Variants in MKNK1 observed in about 807,000 individuals in gnomAD.
MKNK1 encodes MAPK interacting serine/threonine kinase 1.
In MKNK1, 30 loss-of-function variants were observed where a neutral mutation model predicts 49.3. That is an observed-to-expected ratio of 0.61 (90% CI 0.46 to 0.83). MKNK1 has a LOEUF of 0.83. Among genes scored for constraint, MKNK1 ranks in the 40% least tolerant of loss-of-function variants. MKNK1 has a pLI of 0.00. For synonymous variants in MKNK1, 176 were observed against 201.7 expected, an observed-to-expected ratio of 0.87 and a Z score of 1.08; for missense variants, 423 against 524.7, an observed-to-expected ratio of 0.81 and a Z score of 1.89.
rs1424526908 is a variant in MKNK1, at chr1:46,562,700, G to A, written c.753C>T (p.His251=). The A allele has an allele frequency of 6.3e-7, 1 of 1,576,316 alleles. No individual in the cohort carries two copies. Among genetic ancestry groups the A allele is most frequent in the Admixed American group, 1.8e-5 (1 of 54,202 alleles). Residue 251 remains histidine, a synonymous_variant, in exon 10 of 13, where the codon CAC becomes CAT. Coordinates refer to ENST00000371945, the MANE Select transcript of MKNK1 (RefSeq NM_001135553.4). ...MLSGYPPFVG[H]CGADCGWDRG... ...GGTCCCAGCCACAGTCGGCCCCGCA[G>A]TGACCCACGAAGGGTGGGTAGCCAC...
Position 46,576,593 on chromosome 1 carries a change from T to C in MKNK1, c.260A>G (p.Tyr87Cys), listed in dbSNP as rs1413336716. ...SRVFREVETL[Y>C]QCQGNKNILE... The stretch of plus-strand genomic sequence containing the variant: ...TACTCACTTGTTTCCCTGACACTGA[T>C]ACAGCGTCTCCACCTCTCGAAACAC... Residue 87 changes from tyrosine to cysteine, a missense_variant, in exon 5 of 13, where the codon TAT becomes TGT. Transcript: ENST00000371945. The C allele has an allele frequency of 3.1e-6, 5 of 1,613,960 alleles. No individual in the cohort carries two copies. Among genetic ancestry groups the C allele is most frequent in the Middle Eastern group, 1.7e-4 (1 of 6,058 alleles).
In MKNK1 at chr1:46,585,873, C is replaced by T. The variant is rs1400624600; in HGVS notation, c.-2-2544G>A. 3.0e-6 allele frequency: 4 copies of T among 1,321,302 alleles called. No homozygotes were observed. In the African/African-American group the frequency reaches 6.0e-5, roughly 20 times the overall value. The allele number at this position is 1,321,302 out of a possible 1,614,324, so 81.8% of individuals were successfully genotyped here. Reference sequence around the variant, plus strand: ...TTCACACACACACAAAGACAGAGTACCTGGTATATTCTGCATGGATTTCAA... The same window carrying T: ...TTCACACACACACAAAGACAGAGTATCTGGTATATTCTGCATGGATTTCAA... On this transcript the variant is annotated intron_variant, in intron 2 of 12. Transcript: ENST00000371945.
chr1:46,598,238 T>C (rs1237165355), intron 1 of MKNK1, among the ~76,000 whole-genome samples: 1 of 152,220 alleles, frequency 6.6e-6, no homozygotes, highest in Admixed American at 6.5e-5. Flanking sequence ...GAGTCTTGCT[T>C]GGCACTCTTG....
chr1:46,580,750 C>CCTG, intron 3 of MKNK1, 123 bp from the exon 4 acceptor site: 3 of 643,264 alleles, frequency 4.7e-6, no homozygotes, highest in South Asian at 1.9e-5. Context: ...GACTCTAGCA[C>CCTG]TCAGTGACAA....
intron 4 of MKNK1, among the ~76,000 whole-genome samples, chr1:46,576,870 T>C (rs1296836992): frequency 6.6e-6 from 1 of 152,198 alleles, no homozygotes; most frequent in Non-Finnish European, 1.5e-5. Context: ...CATTCCACTC[T>C]GGCCAAGCAC....
At chr1:46,576,404 C>T in intron 5 of MKNK1, 171 bp downstream of exon 5, 1 of 594,202 alleles carries the variant, frequency 1.7e-6, no homozygotes, top group Non-Finnish European at 3.0e-6. Context: ...TTTGCTGTTA[C>T]TGCTGCTTTT....
At chr1:46,568,121 CAAA>C (rs10711362) in intron 8 of MKNK1, 300 of 142,790 alleles carry the variant, frequency 2.1e-3, no homozygotes, top group Middle Eastern at 5.8e-3. Context: ...GACCCCGTCT[CAAA>C]AAAAAAAAAA....
chr1:46,564,953 TC>T, intron 9 of MKNK1, 87 bp downstream of exon 9: 1 of 1,301,592 alleles, frequency 7.7e-7, no homozygotes, highest in Non-Finnish European at 1.1e-6. Flanking sequence ...CACTTGGTTT[TC>T]CATCCTTAAC....
chr1:46,569,851 C>A (rs964409639), intron 7 of MKNK1: 4 of 151,990 alleles, frequency 2.6e-5, no homozygotes, highest in African/African-American at 9.7e-5. Flanking sequence ...ACACACGGAG[C>A]CTTACTCTCC....
intron 1 of MKNK1, among the ~76,000 whole-genome samples, chr1:46,596,502 T>G (rs1674084001): frequency 2.0e-5 from 3 of 152,218 alleles, no homozygotes. Flanking sequence ...CTTTGTGTTA[T>G]TTTGCCACGT....
At position 46,558,678 on chromosome 1, in the gene MKNK1, C is replaced by T; in HGVS notation, c.1136G>A (p.Cys379Tyr). 3 of 1,614,234 alleles carry T rather than the reference C, an allele frequency of 1.9e-6. No individual in the cohort carries two copies. Among genetic ancestry groups the T allele is most frequent in the Middle Eastern group, 1.7e-4 (1 of 6,060 alleles). The change falls in exon 13 of 13, where the codon TGC (cysteine) becomes TAC (tyrosine). Residue 379 changes from cysteine (C) to tyrosine (Y), a missense_variant. Coordinates refer to ENST00000371945, the MANE Select transcript of MKNK1 (RefSeq NM_001135553.4). ...GCAGGGAGGGGAAAGCTTCATGGAG[C>T]AGAGGCCATCAGCTAGTGCCTCTGG... The part of the protein sequence containing the change: ...EEPEALADGL[C>Y]SMKLSPPCKS...
At chr1:46,563,132 C>T (rs1668345067) in intron 9 of MKNK1, 2 of 376,806 alleles carry the variant, frequency 5.3e-6, no homozygotes, top group Non-Finnish European at 9.4e-6. Context: ...GGAATCTCCC[C>T]CTGCTTCAGC....
intron 7 of MKNK1, among the ~76,000 whole-genome samples, chr1:46,571,805 T>C (rs1192147721): frequency 6.6e-6 from 1 of 152,200 alleles, no homozygotes; most frequent in Non-Finnish European, 1.5e-5. Context: ...TGAAATTTAT[T>C]CTTTCTCCTC....
chr1:46,572,639 G>C (rs1268321200), intron 6 of MKNK1, among the ~76,000 whole-genome samples: 1 of 152,098 alleles, frequency 6.6e-6, no homozygotes, highest in Non-Finnish European at 1.5e-5. Context: ...TACGGAGGAG[G>C]TACCAGCTTG....
chr1:46,598,872 TAC>T (rs1674391110), intron 1 of MKNK1, among the ~76,000 whole-genome samples: 1 of 152,208 alleles, frequency 6.6e-6, no homozygotes, highest in Non-Finnish European at 1.5e-5. Flanking sequence ...TTCTTCCTCA[TAC>T]AGTCCCAAGC....
intron 12 of MKNK1, among the ~76,000 whole-genome samples, chr1:46,559,296 G>C (rs1667513806): frequency 6.6e-6 from 1 of 152,242 alleles, no homozygotes; most frequent in Non-Finnish European, 1.5e-5. Context: ...GCATCTGGAG[G>C]CTGCTCTAGA....
At position 46,565,098 on chromosome 1, in the gene MKNK1, A is replaced by T; in HGVS notation, c.552T>A (p.Ser184Arg). ...PVKICDFDLG[S>R]GMKLNNSCTP... ...TACAGGAGTTGTTCAGTTTCATCCC[A>T]CTGCCCAAGTCAAAGTCACAGATTT... The change falls in exon 9 of 13, where the codon AGT becomes AGA. Residue 184 changes from serine (S) to arginine (R), a missense_variant. Transcript: ENST00000371945. 1.9e-6 allele frequency: 3 copies of T among 1,614,144 alleles called. No individual in the cohort carries two copies. Among genetic ancestry groups the T allele is most frequent in the Non-Finnish European group, 2.5e-6 (3 of 1,180,024 alleles).
intron 5 of MKNK1, chr1:46,575,996 G>GGA: frequency 6.5e-6 from 1 of 152,714 alleles, no homozygotes; most frequent in East Asian, 1.9e-4. Context: ...TACCGTGGAG[G>GGA]GAGAGAGGGG....
rs375244198 is a variant in MKNK1, at chr1:46,558,551, C to A, written c.*24G>T. 5.7e-6 allele frequency: 9 copies of A among 1,578,946 alleles called. No individual in the cohort carries two copies. In the African/African-American group the frequency reaches 9.5e-5, roughly 17 times the overall value. On this transcript the variant is annotated 3_prime_UTR_variant, in exon 13 of 13. Coordinates refer to ENST00000371945, the MANE Select transcript of MKNK1 (RefSeq NM_001135553.4). ...GGACAATGCCTGGCCAGGCCTAGGGCCTATAAGGTGTGACTGGAGCATTTC... is the reference window on the plus strand; with the variant it reads ...GGACAATGCCTGGCCAGGCCTAGGGACTATAAGGTGTGACTGGAGCATTTC...
Sources: gnomAD v4.1 joint callset for allele counts (sites outside exome capture counted in the v4.1 genomes callset) on GRCh38, gnomAD v4.1.1 for gene constraint, MANE v1.5 for transcripts, NCBI Gene and HGNC (gene_info 2026-07-23, HGNC 2026-07-21) for gene names.